The following LCOR variants were observed in gnomAD, a reference collection of about 807,000 sequenced individuals.
LCOR encodes the protein ligand-dependent corepressor.
Under a neutral mutation model 64.4 loss-of-function variants are expected in LCOR, and 14 were observed. The observed-to-expected ratio is 0.22, with a 90% CI of 0.14 to 0.34. LCOR has a LOEUF of 0.34. LCOR is among the 10% of genes least tolerant of loss of function. The probability of loss-of-function intolerance (pLI) is 1.00; values close to 1 mark genes in which losing one functional copy is unlikely to be tolerated. For missense variants in LCOR, 1,686 were observed against 1,765.3 expected (o/e 0.96, Z 0.80); for synonymous variants, 643 against 642.5 (o/e 1.00, Z -0.01).
intron 7 of LCOR, among the ~76,000 whole-genome samples, chr10:96,953,550 C>CCAAAA (rs113122469): frequency 0.19 from 28,444 of 151,254 alleles, 3,169 homozygotes; most frequent in African/African-American, 0.29. Context: ...GACCTTGTCT[C>CCAAAA]CAAAACAAAA....
chr10:96,880,694 G>T (rs1846248200), intron 2 of LCOR, among the ~76,000 whole-genome samples: 1 of 152,088 alleles, frequency 6.6e-6, no homozygotes, highest in Non-Finnish European at 1.5e-5. Context: ...CACCACACCT[G>T]GCCAGTTATC....
chr10:96,897,052 TGAGAGAGAGAGA>T (rs142740088), intron 2 of LCOR, among the ~76,000 whole-genome samples: 2 of 124,224 alleles, frequency 1.6e-5, no homozygotes, highest in East Asian at 2.3e-4. Flanking sequence ...TCCCAAGGAA[TGAGAGAGAGAGA>T]GAGAGAGAGA....
At chr10:96,957,538 C>A in intron 7 of LCOR, 1 of 985,324 alleles carries the variant, frequency 1.0e-6, no homozygotes, top group Non-Finnish European at 1.2e-6. Flanking sequence ...TCAGGCCCTT[C>A]TAAATGCTTA....
intron 1 of LCOR, 142 bp from the exon 2 acceptor site, chr10:96,833,264 C>G (rs1227306133): frequency 1.0e-6 from 1 of 958,182 alleles, no homozygotes; most frequent in Non-Finnish European, 1.2e-6. Context: ...CGTCCGCCCC[C>G]CGCCTCCCGG....
intron 5 of LCOR, among the ~76,000 whole-genome samples, chr10:96,944,592 ATTTT>A (rs35733272): frequency 5.7e-5 from 8 of 140,068 alleles, no homozygotes; most frequent in South Asian, 2.3e-4. Flanking sequence ...CAACTGTGTG[ATTTT>A]TTTTTTTTTT....
At chr10:96,847,649 C>T (rs1376860980) in intron 2 of LCOR, among the ~76,000 whole-genome samples, 2 of 152,160 alleles carry the variant, frequency 1.3e-5, no homozygotes, top group Non-Finnish European at 2.9e-5. Flanking sequence ...CCATGTTGGT[C>T]AGGCTGTTCT....
In LCOR at chr10:96,984,556, G is replaced by C; in HGVS notation, c.4096G>C (p.Asp1366His). The C allele has an allele frequency of 6.2e-7, 1 of 1,614,236 alleles. No homozygotes were observed. The highest frequency in any genetic ancestry group is 1.1e-5 in the South Asian group (1 of 91,084). ...CAAGCTTGCCCTGCAAGTGGATGCA[G>C]ATGGGTTTCCTGTTAAGCCCAAGAG... ...SPKLALQVDADGFPVKPKSTE... is the reference protein window; with the variant it reads ...SPKLALQVDAHGFPVKPKSTE... The change falls in exon 8 of 8, where the codon GAT (aspartate) becomes CAT (histidine). Residue 1366 changes from aspartate to histidine, a missense_variant. Physicochemically the swap from Asp to His is moderately conservative, Grantham distance 81. Around this residue, in one of 3 missense-constraint regions of LCOR, gnomAD observed 1,293 missense variants for 1,410.4 expected, o/e 0.92. Transcript: ENST00000421806.
chr10:96,974,127 CTG>C (rs1848019496), intron 7 of LCOR, among the ~76,000 whole-genome samples: 1 of 152,140 alleles, frequency 6.6e-6, no homozygotes, highest in Non-Finnish European at 1.5e-5. Flanking sequence ...CATTCTTAAA[CTG>C]TAGCTTTTAA....
intron 4 of LCOR, among the ~76,000 whole-genome samples, chr10:96,941,284 G>A (rs1298646886): frequency 1.4e-5 from 2 of 140,892 alleles, no homozygotes; most frequent in East Asian, 2.2e-4. Flanking sequence ...GCCAGGCGGG[G>A]GGCTGATCCC....
In LCOR at chr10:96,975,098, G is replaced by T. The variant is rs181721045; in HGVS notation, c.333-5695G>T. On this transcript the variant is annotated intron_variant, in intron 7 of 7. Coordinates refer to ENST00000421806, the MANE Select transcript of LCOR (RefSeq NM_001346516.2). Reference sequence around the variant, plus strand: ...AGGCCCAAGAATTGCTTGAACCCGGGAGGTGGCGGTTGCCGTGAGCCAAGA... The same window carrying T: ...AGGCCCAAGAATTGCTTGAACCCGGTAGGTGGCGGTTGCCGTGAGCCAAGA... 2.0e-5 allele frequency among the ~76,000 whole-genome samples: 3 copies of T among 152,374 alleles called. No individual in the cohort carries two copies. In the East Asian group the frequency reaches 5.8e-4, roughly 29 times the overall value.
chr10:96,980,837 C>G lies in LCOR; in HGVS notation c.377C>G (p.Ser126Trp). Residue 126 changes from serine to tryptophan, a missense_variant, in exon 8 of 8, where the codon TCG (serine) becomes TGG (tryptophan). Around this residue, in one of 3 missense-constraint regions of LCOR, gnomAD observed 313 missense variants for 247.2 expected, o/e 1.27. Transcript: ENST00000421806. The stretch of plus-strand genomic sequence containing the variant: ...AAAGCAGTAGATTCTAACAATCAGT[C>G]GAAGTCCCCACTGGAGAAATTTATG... ...EAKAVDSNNQSKSPLEKFMVK... is the reference protein window; with the variant it reads ...EAKAVDSNNQWKSPLEKFMVK... 1.4e-6 allele frequency: 1 copy of G among 702,884 alleles called. No individual in the cohort carries two copies. Among genetic ancestry groups the G allele is most frequent in the Non-Finnish European group, 2.6e-6 (1 of 384,958 alleles). The allele number at this position is 702,884 out of a possible 1,614,324, so 43.5% of individuals were successfully genotyped here. A position where few individuals can be genotyped will look rare whatever the true frequency, so the allele number is the denominator to read the frequency against.
At chr10:96,935,139 CTTTTTTTTTTTTTTTTTTTTTTT>C (rs34176037) in intron 4 of LCOR, among the ~76,000 whole-genome samples, 1 of 65,546 alleles carries the variant, frequency 1.5e-5, no homozygotes, top group Non-Finnish European at 2.9e-5. Context: ...GGCTATTTTA[CTTTTTTTTTTTTTTTTTTTTTTT>C]TTTTGAGACA....
chr10:96,837,691 A>G lies in LCOR; in HGVS notation c.-330+4212A>G, dbSNP rs553012206. ...TATTTTTGGAATACCTTTAGGATTG[A>G]CAGATTATCATCCTTGGAAGTTGGA... On this transcript the variant is annotated intron_variant, in intron 2 of 7. Transcript: ENST00000421806. 1.2e-4 allele frequency among the ~76,000 whole-genome samples: 19 copies of G among 152,342 alleles called. No homozygotes were observed. In the South Asian group the frequency reaches 1.7e-3, roughly 13 times the overall value.
intron 5 of LCOR, among the ~76,000 whole-genome samples, chr10:96,947,564 A>T (rs148295152): frequency 6.6e-6 from 1 of 152,320 alleles, no homozygotes; most frequent in Non-Finnish European, 1.5e-5. Context: ...TCTTTAAAAG[A>T]CTAAAGAAAC....
Position 96,873,606 on chromosome 10 carries a change from G to A in LCOR, c.-329-33659G>A, listed in dbSNP as rs959458512. On this transcript the variant is annotated intron_variant, in intron 2 of 7. Coordinates refer to ENST00000421806, the MANE Select transcript of LCOR (RefSeq NM_001346516.2). Reference sequence around the variant, plus strand: ...TGTGTGTGTGTGTGTGTGTGTGTGTGTGTGTGTGTGTTTTGAGACAGGGTC... The same window carrying A: ...TGTGTGTGTGTGTGTGTGTGTGTGTATGTGTGTGTGTTTTGAGACAGGGTC... 5.6e-4 allele frequency among the ~76,000 whole-genome samples: 75 copies of A among 133,954 alleles called. 1 individual carries two copies. Among genetic ancestry groups the A allele is most frequent in the African/African-American group, 1.4e-3 (44 of 31,458 alleles). The allele number at this position is 133,954 out of a possible 152,430, so 87.9% of individuals were successfully genotyped here.
At chr10:96,842,813 G>T (rs1165275220) in intron 2 of LCOR, among the ~76,000 whole-genome samples, 1 of 151,418 alleles carries the variant, frequency 6.6e-6, no homozygotes, top group Non-Finnish European at 1.5e-5. Flanking sequence ...GTTTTTTTTG[G>T]TAGAGAGGGG....
rs556902294 is a variant in LCOR, at chr10:96,985,336, A to G, written c.*202A>G. On this transcript the variant is annotated 3_prime_UTR_variant, in exon 8 of 8. Transcript: ENST00000421806. ...CTTCTCTGAGGCTAAGGGAAGTTATATATTATATTCTGGTTGTTCCTTGGG... is the reference window on the plus strand; with the variant it reads ...CTTCTCTGAGGCTAAGGGAAGTTATGTATTATATTCTGGTTGTTCCTTGGG... 9 of 586,280 alleles carry G rather than the reference A, an allele frequency of 1.5e-5. No homozygotes were observed. Among genetic ancestry groups the G allele is most frequent in the South Asian group, 5.1e-5 (1 of 19,764 alleles). 36.3% of individuals were successfully genotyped at this position (586,280 alleles called of 1,614,324 possible). A position where few individuals can be genotyped will look rare whatever the true frequency, so the allele number is the denominator to read the frequency against.
chr10:96,907,567 A>C (rs1183386678), intron 3 of LCOR, 101 bp from the exon 4 acceptor site: 4 of 377,908 alleles, frequency 1.1e-5, no homozygotes, highest in Non-Finnish European at 1.1e-5. Flanking sequence ...AATATGGCCT[A>C]ACTACTTAGT....
intron 4 of LCOR, among the ~76,000 whole-genome samples, chr10:96,920,487 CATAT>C (rs1233661789): frequency 0.18 from 13,530 of 75,866 alleles, 1,492 homozygotes; most frequent in African/African-American, 0.28. Context: ...TATGTATATT[CATAT>C]ATATGTGTAT....
Sources: allele counts gnomAD v4.1 joint callset (sites outside exome capture counted in the v4.1 genomes callset), GRCh38; gene constraint gnomAD v4.1.1; regional missense constraint gnomAD v4.1.1; transcripts MANE v1.5; gene names NCBI Gene and HGNC (gene_info 2026-07-23, HGNC 2026-07-21).